Variants in UNC13D observed in about 807,000 individuals in gnomAD.
The protein encoded by UNC13D is protein unc-13 homolog D.
A neutral mutation model predicts 151.7 loss-of-function variants in UNC13D; 115 were observed. The ratio of observed to expected loss-of-function variants is 0.76; its 90% CI spans 0.65 to 0.88. The LOEUF (loss-of-function observed/expected upper bound fraction) is 0.88. Among genes scored for constraint, UNC13D ranks in the 40% least tolerant of loss-of-function variants. The probability of loss-of-function intolerance (pLI) is 0.00; values close to 1 mark genes in which losing one functional copy is unlikely to be tolerated. For synonymous variants in UNC13D, 588 were observed against 612.2 expected (o/e 0.96, Z 0.58); for missense variants, 1,369 against 1,438.7 (o/e 0.95, Z 0.78).
rs1034457854 is a variant in UNC13D, at chr17:75,833,466, CTTATCA to C, written c.2368-427_2368-422del. ...CTCTGTTTTAAATTTTCTCTGTAGA[CTTATCA>C]TTATCTAGCACACTGCATGTGTGTG... On this transcript the variant is annotated intron_variant, in intron 24 of 31. Transcript: ENST00000207549. The surrounding 1 kb of genome is among the most constrained non-coding windows in gnomAD (Gnocchi z 4.0). Among the ~76,000 whole-genome samples the C allele has an allele frequency of 2.1e-5, 3 of 142,578 alleles. No homozygotes were observed. Among genetic ancestry groups the C allele is most frequent in the African/African-American group, 8.9e-5 (3 of 33,540 alleles). The allele number at this position is 142,578 out of a possible 152,430, so 93.5% of individuals were successfully genotyped here. A position where few individuals can be genotyped will look rare whatever the true frequency, so the allele number is the denominator to read the frequency against.
chr17:75,839,679 T>C (rs1007080703), intron 12 of UNC13D, among the ~76,000 whole-genome samples, 160 bp downstream of exon 12: 6 of 152,164 alleles, frequency 3.9e-5, no homozygotes, highest in African/African-American at 1.4e-4. Context: ...GCCGAATCTC[T>C]AGACTTTTTA....
chr17:75,832,656 A>C lies in UNC13D; in HGVS notation c.2447+310T>G. On this transcript the variant is annotated intron_variant, in intron 25 of 31. Coordinates refer to ENST00000207549, the MANE Select transcript of UNC13D (RefSeq NM_199242.3). The surrounding 1 kb of genome is among the most constrained non-coding windows in gnomAD (Gnocchi z 4.3). ...TTTGGCTCAGCCTAAGGAAGAACTC[A>C]AAGCACTCAGAGCTAGGCAGCAGGA... 4 of 319,110 alleles carry C rather than the reference A, an allele frequency of 1.3e-5. No homozygotes were observed. In the South Asian group the frequency reaches 1.5e-4, roughly 12 times the overall value. 19.8% of individuals were successfully genotyped at this position (319,110 alleles called of 1,614,324 possible). A position where few individuals can be genotyped will look rare whatever the true frequency, so the allele number is the denominator to read the frequency against.
At position 75,835,921 on chromosome 17, in the gene UNC13D, G is replaced by A. The variant is rs781550148; in HGVS notation, c.1545-15C>T. On this transcript the variant is annotated splice_polypyrimidine_tract_variant and intron_variant, in intron 17 of 31. Transcript: ENST00000207549. ...TCTTGAGGGTACTGGAGGAAAGGCA[G>A]CAGGTGTCACCCAGTGGCATACACC... 1.2e-6 allele frequency: 2 copies of A among 1,614,186 alleles called. No homozygotes were observed. The highest frequency in any genetic ancestry group is 1.3e-5 in the African/African-American group (1 of 75,066).
In UNC13D at chr17:75,836,851, T is replaced by C; in HGVS notation, c.1123A>G (p.Ile375Val). The C allele has an allele frequency of 6.2e-7, 1 of 1,613,926 alleles. No individual in the cohort carries two copies. Among genetic ancestry groups the C allele is most frequent in the Non-Finnish European group, 8.5e-7 (1 of 1,179,982 alleles). ...ATCCACTGGTACTCGATGCTGGTGA[T>C]GGGGTGCAGGAGGCAGCTGCTGGGG... ...EFPSSCLLHP[I>V]TSIEYQWIQG... Residue 375 changes from isoleucine (I) to valine (V), a missense_variant, in exon 13 of 32, where the codon ATC becomes GTC. Around this residue, in one of 3 missense-constraint regions of UNC13D, gnomAD observed 550 missense variants for 609.0 expected, o/e 0.90. Coordinates refer to ENST00000207549, the MANE Select transcript of UNC13D (RefSeq NM_199242.3).
rs1159691994 is a variant in UNC13D at position 75,836,713 on chromosome 17, T to A, written c.1174-17A>T. 6.2e-7 allele frequency: 1 copy of A among 1,613,538 alleles called. No homozygotes were observed. Among genetic ancestry groups the A allele is most frequent in the South Asian group, 1.1e-5 (1 of 91,084 alleles). On this transcript the variant is annotated splice_polypyrimidine_tract_variant and intron_variant, in intron 13 of 31. Transcript: ENST00000207549. ...CTCCTCCTGCTGAAGAGCCAGGAGA[T>A]GCTTTAGGGGCCTAGACAGCTGCTG...
intron 16 of UNC13D, 42 bp from the exon 17 acceptor site, chr17:75,836,151 G>A (rs1440805679): frequency 1.2e-6 from 2 of 1,612,186 alleles, no homozygotes; most frequent in Non-Finnish European, 1.7e-6. Context: ...GCCAGAGGCA[G>A]GCACCACCCC....
At position 75,830,452 on chromosome 17, in the gene UNC13D, C is replaced by A; in HGVS notation, c.2740G>T (p.Val914Leu). 6.3e-7 allele frequency: 1 copy of A among 1,587,980 alleles called. No individual in the cohort carries two copies. Among genetic ancestry groups the A allele is most frequent in the Non-Finnish European group, 8.6e-7 (1 of 1,167,964 alleles). ...AETTSEELGA[V>L]TVKASYRASE... ...GCGCGGTAGGAGGCCTTGACTGTCA[C>A]AGCCCCCAGCTCCTCAGAGGTGGTT... Residue 914 changes from valine (V) to leucine (L), a missense_variant, in exon 29 of 32, where the codon GTG becomes TTG. By Grantham distance (32) the Val-to-Leu change is conservative. Around this residue, in one of 3 missense-constraint regions of UNC13D, gnomAD observed 807 missense variants for 795.5 expected, o/e 1.01. Coordinates refer to ENST00000207549, the MANE Select transcript of UNC13D (RefSeq NM_199242.3).
At position 75,836,376 on chromosome 17, in the gene UNC13D, G is replaced by T. The variant is rs773358208; in HGVS notation, c.1352C>A (p.Thr451Asn). 2 of 1,613,972 alleles carry T rather than the reference G, an allele frequency of 1.2e-6. No homozygotes were observed. The highest frequency in any genetic ancestry group is 1.7e-6 in the Non-Finnish European group (2 of 1,180,032). Residue 451 changes from threonine (T) to asparagine (N), a missense_variant, in exon 15 of 32, where the codon ACC (threonine) becomes AAC (asparagine). Around this residue, in one of 3 missense-constraint regions of UNC13D, gnomAD observed 550 missense variants for 609.0 expected, o/e 0.90. Transcript: ENST00000207549. ...AGTCACCAGCTGGGGCAATGGGGCG[G>T]TGTTGGGGCACAGTTCTCCAAAGGC... The part of the protein sequence containing the change: ...MKAFGELCPN[T>N]APLPQLVTEA...
Position 75,844,397 on chromosome 17 carries a change from G to A in UNC13D, c.-60C>T. The A allele has an allele frequency of 6.5e-7, 1 of 1,537,166 alleles. No homozygotes were observed. The highest frequency in any genetic ancestry group is 8.8e-7 in the Non-Finnish European group (1 of 1,136,206). On this transcript the variant is annotated 5_prime_UTR_variant, in exon 1 of 32. Transcript: ENST00000207549. ...CTGGGTGAAGACAGCGAAGCCACAG[G>A]ATTATGCAAAGAGCCTGGGGCTGCC...
Position 75,836,605 on chromosome 17 carries a change from G to C in UNC13D, c.1265C>G (p.Ser422Trp). 6.2e-7 allele frequency: 1 copy of C among 1,613,838 alleles called. No homozygotes were observed. Among genetic ancestry groups the C allele is most frequent in the Non-Finnish European group, 8.5e-7 (1 of 1,180,030 alleles). The change falls in exon 14 of 32, where the codon TCG (serine) becomes TGG (tryptophan). Residue 422 changes from serine to tryptophan, a missense_variant. Ser to Trp is a radical substitution (Grantham distance 177). Transcript: ENST00000207549. ...AGACTGCAGCCGGGCTGGGGAGTCCGAGACAGAGAGGGGGAAGACAGAGCG... is the reference window on the plus strand; with the variant it reads ...AGACTGCAGCCGGGCTGGGGAGTCCCAGACAGAGAGGGGGAAGACAGAGCG... ...RFRSVFPLSV[S>W]DSPARLQSLL...
chr17:75,830,006 GAGA>G lies in UNC13D; in HGVS notation c.2954+19_2954+21del. On this transcript the variant is annotated intron_variant, in intron 30 of 31. Coordinates refer to ENST00000207549, the MANE Select transcript of UNC13D (RefSeq NM_199242.3). Reference sequence around the variant, plus strand: ...GGGGAGAGATGAGGGGAGGGACTGGGAGAAGAACGGGACCCACTCACAATTCAA... The same window carrying G: ...GGGGAGAGATGAGGGGAGGGACTGGGAGAACGGGACCCACTCACAATTCAA... The G allele has an allele frequency of 6.4e-7, 1 of 1,570,222 alleles. No homozygotes were observed. Among genetic ancestry groups the G allele is most frequent in the South Asian group, 1.2e-5 (1 of 85,238 alleles).
Position 75,842,761 on chromosome 17 carries a change from G to A in UNC13D, c.388+96C>T, listed in dbSNP as rs376454168. On this transcript the variant is annotated intron_variant, in intron 5 of 31. Transcript: ENST00000207549. ...GGGGGCCAGCGCTACAGGGCTTCTT[G>A]GAAGTGGGTGCTCCCGCCAAGAGTC... 73 of 1,592,704 alleles carry A rather than the reference G, an allele frequency of 4.6e-5. 2 individuals are homozygous for A. The highest frequency in any genetic ancestry group is 2.9e-4 in the East Asian group (13 of 44,770).
chr17:75,831,072 C>T (rs552953249), intron 27 of UNC13D, 26 bp downstream of exon 27: 53 of 1,613,330 alleles, frequency 3.3e-5, no homozygotes, highest in African/African-American at 1.5e-4. Flanking sequence ...AGACTTCCTA[C>T]GGGGAAGCTC....
chr17:75,831,364 A>G lies in UNC13D; in HGVS notation c.2448-16T>C, dbSNP rs1442285956. 1 of 1,605,190 alleles carries G rather than the reference A, an allele frequency of 6.2e-7. No individual in the cohort carries two copies. The highest frequency in any genetic ancestry group is 8.5e-7 in the Non-Finnish European group (1 of 1,177,668). ...GGTCAGGAGGCTGGGGCGGGGCCGG[A>G]GGGATGCGGACACAGCACGGCAGGG... On this transcript the variant is annotated splice_polypyrimidine_tract_variant and intron_variant, in intron 25 of 31. Coordinates refer to ENST00000207549, the MANE Select transcript of UNC13D (RefSeq NM_199242.3).
At chr17:75,838,896 C>T (rs542738310) in intron 12 of UNC13D, among the ~76,000 whole-genome samples, 7 of 151,860 alleles carry the variant, frequency 4.6e-5, no homozygotes, top group East Asian at 3.9e-4. Context: ...GTCAGGAGAT[C>T]GAGACCATCC....
rs1274294321 is a variant in UNC13D at position 75,834,386 on chromosome 17, T to G, written c.2237A>C (p.Gln746Pro). 8 of 1,591,592 alleles carry G rather than the reference T, an allele frequency of 5.0e-6. No homozygotes were observed. The highest frequency in any genetic ancestry group is 5.9e-6 in the Non-Finnish European group (7 of 1,176,776). Residue 746 changes from glutamine (Q) to proline (P), a missense_variant, in exon 23 of 32, where the codon CAG (glutamine) becomes CCG (proline). Physicochemically the swap from Gln to Pro is moderately conservative, Grantham distance 76. Around this residue, in one of 3 missense-constraint regions of UNC13D, gnomAD observed 807 missense variants for 795.5 expected, o/e 1.01. Coordinates refer to ENST00000207549, the MANE Select transcript of UNC13D (RefSeq NM_199242.3). ...QLQNTLHAQL[Q>P]SALAGLGHEI... The stretch of plus-strand genomic sequence containing the variant: ...ATGGCCCAGCCCGGCCAGCGCGCTC[T>G]GCAGCTGGGCATGCAGCGTGTTCTG...
In UNC13D at chr17:75,834,082, G is replaced by A; in HGVS notation, c.2360C>T (p.Pro787Leu). 1 of 1,613,784 alleles carries A rather than the reference G, an allele frequency of 6.2e-7. No individual in the cohort carries two copies. Among genetic ancestry groups the A allele is most frequent in the Non-Finnish European group, 8.5e-7 (1 of 1,180,026 alleles). Residue 787 changes from proline to leucine, a missense_variant, in exon 24 of 32, where the codon CCT becomes CTT. This residue lies in a region of UNC13D where 807 missense variants were observed against 795.5 expected (regional missense o/e 1.01). Coordinates refer to ENST00000207549, the MANE Select transcript of UNC13D (RefSeq NM_199242.3). ...GGCAGAAGGGCCACTTACATCCTCAGGCAGGACAGACTCCCTGACGCCCAC... is the reference window on the plus strand; with the variant it reads ...GGCAGAAGGGCCACTTACATCCTCAAGCAGGACAGACTCCCTGACGCCCAC... ...KLVGVRESVL[P>L]EDAILPLMKF... is the part of the protein sequence containing the mutation.
Position 75,828,803 on chromosome 17 carries a change from C to T in UNC13D, c.3135G>A (p.Thr1045=), listed in dbSNP as rs746714637. Residue 1045 remains threonine (T), a synonymous_variant, in exon 31 of 32, where the codon ACG becomes ACA. Transcript: ENST00000207549. The part of the protein sequence containing the change: ...GEVPQTRLPL[T]YPAPNGDPIL... The stretch of plus-strand genomic sequence containing the variant: ...CAGGCCTACCGTTGGGTGCGGGGTA[C>T]GTGAGGGGCAGGCGGGTCTGAGGCA... The T allele has an allele frequency of 5.2e-6, 8 of 1,552,562 alleles. No individual in the cohort carries two copies. Among genetic ancestry groups the T allele is most frequent in the South Asian group, 2.4e-5 (2 of 85,034 alleles).
intron 19 of UNC13D, 22 bp from the exon 20 acceptor site, chr17:75,835,551 C>A: frequency 6.3e-7 from 1 of 1,599,856 alleles, no homozygotes; most frequent in Admixed American, 1.7e-5. Flanking sequence ...CGGGGCTCAG[C>A]GTCGGGAAGG....
Sources: gnomAD v4.1 joint callset for allele counts (sites outside exome capture counted in the v4.1 genomes callset) on GRCh38, gnomAD v4.1.1 for gene constraint, gnomAD v4.1.1 regional missense constraint, Gnocchi (gnomAD v3.1) non-coding constraint, MANE v1.5 for transcripts, NCBI Gene and HGNC (gene_info 2026-07-23, HGNC 2026-07-21) for gene names.